CA5B: variants seen among roughly 807,000 people sequenced by gnomAD.
The protein encoded by CA5B is carbonic anhydrase 5B.
Under a neutral mutation model 23.1 loss-of-function variants are expected in CA5B, and 15 were observed. That is an observed-to-expected ratio of 0.65 (90% CI 0.43 to 1.00). The LOEUF is 1.00. CA5B is among the 50% of genes least tolerant of loss of function. The pLI, the probability that CA5B is intolerant of heterozygous loss-of-function variation, is 0.00. For synonymous variants in CA5B, 84 were observed against 98.5 expected, an observed-to-expected ratio of 0.85 and a Z score of 0.87; for missense variants, 236 against 252.2, an observed-to-expected ratio of 0.94 and a Z score of 0.43.
intron 3 of CA5B, among the ~76,000 whole-genome samples, chrX:15,768,148 T>C (rs1200848433): frequency 4.5e-5 from 5 of 110,277 alleles, no homozygotes; most frequent in Non-Finnish European, 9.5e-5. Context: ...CTGCCCACCT[T>C]GGCCTCCCAA....
intron 1 of CA5B, among the ~76,000 whole-genome samples, chrX:15,740,105 A>G (rs778787945): frequency 9.0e-6 from 1 of 111,720 alleles, no homozygotes; most frequent in Admixed American, 9.5e-5. Flanking sequence ...GTTTCCACGC[A>G]TTTCTAAGTC....
chrX:15,775,994 C>T, intron 6 of CA5B: 1 of 753,349 alleles, frequency 1.3e-6, no homozygotes, highest in Non-Finnish European at 1.6e-6. Flanking sequence ...CTGGCTCCTC[C>T]TGAGCTGCAT....
intron 2 of CA5B, among the ~76,000 whole-genome samples, chrX:15,756,882 G>A (rs759766621): frequency 1.2e-4 from 12 of 100,251 alleles, no homozygotes; most frequent in South Asian, 4.8e-4. Flanking sequence ...GTGAAACCCC[G>A]TCTCTACTAA....
At chrX:15,773,700 C>T (rs760710681) in intron 4 of CA5B, among the ~76,000 whole-genome samples, 3 of 110,329 alleles carry the variant, frequency 2.7e-5, no homozygotes, top group South Asian at 3.9e-4. Context: ...TGAGCCACCG[C>T]GCCCGGCCTG....
intron 3 of CA5B, among the ~76,000 whole-genome samples, chrX:15,769,067 A>G (rs756762963): frequency 3.6e-5 from 4 of 111,778 alleles, no homozygotes; most frequent in Non-Finnish European, 7.5e-5. Context: ...AGAAACTAGA[A>G]AAAGAAGAAC....
rs764198147 is a variant in CA5B at position 15,772,369 on chromosome X, G to GTA, written c.341-122_341-121dup. The GTA allele has an allele frequency of 9.1e-6, 4 of 438,808 alleles. No homozygotes were observed. The African/African-American group carries it at 9.8e-5, about 11-fold the overall frequency. The allele number at this position is 438,808 out of a possible 1,213,427, so 36.2% of individuals were successfully genotyped here. On this transcript the variant is annotated intron_variant, in intron 3 of 7. Transcript: ENST00000318636. ...ATGAAAATCAAATTTATAATCACTTGTATATAATTCAGTGTAATCCATTTA... is the reference window on the plus strand; with the variant it reads ...ATGAAAATCAAATTTATAATCACTTGTATATATAATTCAGTGTAATCCATTTA...
At chrX:15,763,228 A>G (rs1413667289) in intron 2 of CA5B, among the ~76,000 whole-genome samples, 1 of 111,824 alleles carries the variant, frequency 8.9e-6, no homozygotes, top group Non-Finnish European at 1.9e-5. Context: ...CTTTTTTTCT[A>G]CCAGCCAACC....
chrX:15,747,343 G>C (rs972130048), intron 1 of CA5B, among the ~76,000 whole-genome samples: 1 of 111,585 alleles, frequency 9.0e-6, no homozygotes, highest in Non-Finnish European at 1.9e-5. Flanking sequence ...CATAGGTTAC[G>C]GGTTTTTCAA....
chrX:15,744,831 T>C (rs1931192350), intron 1 of CA5B, among the ~76,000 whole-genome samples: 1 of 110,821 alleles, frequency 9.0e-6, no homozygotes, highest in Non-Finnish European at 1.9e-5. Context: ...CATATTCCCA[T>C]TGCACTAAAT....
intron 2 of CA5B, among the ~76,000 whole-genome samples, chrX:15,757,220 C>A (rs2147259502): frequency 1.1e-5 from 1 of 93,143 alleles, no homozygotes; most frequent in South Asian, 5.1e-4. Flanking sequence ...CTAAAAATAC[C>A]AAAAATTAGG....
chrX:15,766,800 T>C (rs1002966839), intron 3 of CA5B: 2 of 231,820 alleles, frequency 8.6e-6, no homozygotes, highest in Non-Finnish European at 1.6e-5. Flanking sequence ...ATATATTTAG[T>C]GGGTATAAGT....
intron 1 of CA5B, among the ~76,000 whole-genome samples, chrX:15,741,382 C>CA (rs1291464062): frequency 0.037 from 1,317 of 36,028 alleles, 20 homozygotes; most frequent in South Asian, 0.1. Flanking sequence ...GACCCTGTCT[C>CA]AAAAAAAAAA....
chrX:15,742,390 G>A lies in CA5B; in HGVS notation c.-54+4038G>A, dbSNP rs768425271. 4.3e-3 allele frequency among the ~76,000 whole-genome samples: 481 copies of A among 111,490 alleles called. 3 individuals carry two copies. Among genetic ancestry groups the A allele is most frequent in the African/African-American group, 0.015 (463 of 30,668 alleles). On this transcript the variant is annotated intron_variant, in intron 1 of 7. Transcript: ENST00000318636. ...TGTTTTTTTGGGTTTTTTTTGAGAC[G>A]GAGTCTCGCTCTGTCACTCTGATGC...
intron 3 of CA5B, among the ~76,000 whole-genome samples, chrX:15,768,199 G>A (rs1157400676): frequency 1.8e-5 from 2 of 110,025 alleles, no homozygotes; most frequent in Non-Finnish European, 1.9e-5. Flanking sequence ...TCCCAGCTCC[G>A]GCAAATTTTT....
intron 2 of CA5B, among the ~76,000 whole-genome samples, chrX:15,756,521 A>G (rs1173553003): frequency 8.9e-6 from 1 of 112,550 alleles, no homozygotes; most frequent in Non-Finnish European, 1.9e-5. Flanking sequence ...AAAGCTCAGG[A>G]TGGTTGGAGA....
chrX:15,740,129 A>T (rs1931088400), intron 1 of CA5B, among the ~76,000 whole-genome samples: 1 of 111,936 alleles, frequency 8.9e-6, no homozygotes, highest in South Asian at 3.7e-4. Flanking sequence ...AAAACAGCTA[A>T]GGGGCAGGTT....
chrX:15,757,054 C>CA (rs35364577), intron 2 of CA5B, among the ~76,000 whole-genome samples: 25,303 of 59,471 alleles, frequency 0.43, 4,784 homozygotes, highest in Non-Finnish European at 0.54. Flanking sequence ...GACTCCGTCT[C>CA]AAAAAAAAAA....
intron 3 of CA5B, among the ~76,000 whole-genome samples, chrX:15,765,827 G>A (rs185465298): frequency 1.8e-5 from 2 of 110,295 alleles, no homozygotes; most frequent in African/African-American, 6.6e-5. Flanking sequence ...AAGGAAACTT[G>A]TTTTCTCTCA....
In CA5B at chrX:15,782,771, A is replaced by T; in HGVS notation, c.*107A>T. On this transcript the variant is annotated 3_prime_UTR_variant, in exon 8 of 8. Transcript: ENST00000318636. The stretch of plus-strand genomic sequence containing the variant: ...TGCCTGCATTTGATAATATTTACAG[A>T]TGTGCATTTCTTAGCATGAGAGTGC... 1 of 607,351 alleles carries T rather than the reference A, an allele frequency of 1.6e-6. No homozygotes were observed. Among genetic ancestry groups the T allele is most frequent in the East Asian group, 3.7e-5 (1 of 27,269 alleles). The allele number at this position is 607,351 out of a possible 1,213,427, so 50.1% of individuals were successfully genotyped here.
Sources: gnomAD v4.1 joint callset for allele counts (sites outside exome capture counted in the v4.1 genomes callset) on GRCh38, gnomAD v4.1.1 for gene constraint, MANE v1.5 for transcripts, NCBI Gene and HGNC (gene_info 2026-07-23, HGNC 2026-07-21) for gene names.